ARHGAP42: variants seen among roughly 807,000 people sequenced by gnomAD.
The protein encoded by ARHGAP42 is rho GTPase-activating protein 42.
In ARHGAP42, 63 loss-of-function variants were observed where a neutral mutation model predicts 125.0. That is an observed-to-expected ratio of 0.50 (90% CI 0.41 to 0.62). The LOEUF (loss-of-function observed/expected upper bound fraction) is 0.62, where lower values mean the gene tolerates loss of function less well. ARHGAP42 is among the 20% of genes least tolerant of loss of function. The pLI is 0.00. For synonymous variants in ARHGAP42, 339 were observed against 351.0 expected, an observed-to-expected ratio of 0.97 and a Z score of 0.38; for missense variants, 766 against 1,024.2, an observed-to-expected ratio of 0.75 and a Z score of 3.44.
At chr11:100,738,866 G>T (rs1233895450) in intron 1 of ARHGAP42, among the ~76,000 whole-genome samples, 2 of 152,160 alleles carry the variant, frequency 1.3e-5, no homozygotes, top group African/African-American at 4.8e-5. Flanking sequence ...TCCTTGCCAA[G>T]GTCAATGCTC....
chr11:100,768,025 T>C (rs1419264998), intron 1 of ARHGAP42, among the ~76,000 whole-genome samples: 3 of 152,160 alleles, frequency 2.0e-5, no homozygotes, highest in Non-Finnish European at 4.4e-5. Context: ...CAATCTTGAG[T>C]GCCCACGTTG....
At chr11:100,920,730 A>G (rs1591295953) in intron 5 of ARHGAP42, among the ~76,000 whole-genome samples, 1 of 152,198 alleles carries the variant, frequency 6.6e-6, no homozygotes, top group Admixed American at 6.5e-5. Context: ...TACTTTGTCA[A>G]TAGAACCTTA....
chr11:100,811,691 G>C (rs1010348518), intron 3 of ARHGAP42, among the ~76,000 whole-genome samples: 44 of 151,804 alleles, frequency 2.9e-4, no homozygotes, highest in Non-Finnish European at 2.4e-4. Context: ...ATAGAGATGG[G>C]GTTTCATCAT....
At chr11:100,789,478 C>G (rs1863514709) in intron 2 of ARHGAP42, among the ~76,000 whole-genome samples, 1 of 152,206 alleles carries the variant, frequency 6.6e-6, no homozygotes, top group Non-Finnish European at 1.5e-5. Flanking sequence ...TACTCTCTCT[C>G]TGGGCATGAG....
chr11:100,815,570 G>T (rs1591204746), intron 3 of ARHGAP42, among the ~76,000 whole-genome samples: 1 of 152,170 alleles, frequency 6.6e-6, no homozygotes, highest in African/African-American at 2.4e-5. Context: ...GATGTGCAAA[G>T]AATTTTGAGT....
At chr11:100,793,657 ATTTG>A (rs899519706) in intron 2 of ARHGAP42, among the ~76,000 whole-genome samples, 1 of 144,556 alleles carries the variant, frequency 6.9e-6, no homozygotes, top group Non-Finnish European at 1.5e-5. Flanking sequence ...AGTTCTTTTG[ATTTG>A]TTTTTCTCAC....
chr11:100,912,770 A>G (rs886372014), intron 4 of ARHGAP42, among the ~76,000 whole-genome samples: 4 of 152,254 alleles, frequency 2.6e-5, no homozygotes, highest in Middle Eastern at 3.4e-3. Flanking sequence ...GTTGTTCCCC[A>G]AAACTCCAAC....
intron 3 of ARHGAP42, among the ~76,000 whole-genome samples, chr11:100,857,397 A>G (rs1205043170): frequency 6.6e-6 from 1 of 152,126 alleles, no homozygotes; most frequent in Non-Finnish European, 1.5e-5. Context: ...TAACAGTGAG[A>G]GAAGGGGTAG....
chr11:100,763,477 C>G (rs1862757407), intron 1 of ARHGAP42, among the ~76,000 whole-genome samples: 1 of 152,018 alleles, frequency 6.6e-6, no homozygotes, highest in African/African-American at 2.4e-5. Context: ...GCATACATTT[C>G]CTTTGTCTTT....
intron 1 of ARHGAP42, among the ~76,000 whole-genome samples, chr11:100,743,274 C>T (rs1393292830): frequency 1.3e-5 from 2 of 152,134 alleles, no homozygotes; most frequent in Non-Finnish European, 2.9e-5. Context: ...ATGACAAATT[C>T]TCCCCACATT....
chr11:100,749,957 C>T (rs1217405431), intron 1 of ARHGAP42, among the ~76,000 whole-genome samples: 1 of 152,172 alleles, frequency 6.6e-6, no homozygotes, highest in Admixed American at 6.5e-5. Flanking sequence ...TGGCCAGTTT[C>T]TTTCCGCGTT....
At chr11:100,825,391 G>A (rs1864490806) in intron 3 of ARHGAP42, among the ~76,000 whole-genome samples, 1 of 152,158 alleles carries the variant, frequency 6.6e-6, no homozygotes, top group Admixed American at 6.5e-5. Flanking sequence ...TGAAAATGCT[G>A]CATTTAGTTT....
rs192791027 is a variant in ARHGAP42, at chr11:100,774,821, A to G, written c.250+4383A>G. 3.9e-5 allele frequency among the ~76,000 whole-genome samples: 6 copies of G among 152,316 alleles called. No homozygotes were observed. The East Asian group carries it at 1.2e-3, about 29-fold the overall frequency. On this transcript the variant is annotated intron_variant, in intron 2 of 23. Coordinates refer to ENST00000298815, the MANE Select transcript of ARHGAP42 (RefSeq NM_152432.4). ...ATGTCTGGCCTGTACATCTGTCCCA[A>G]CGCTTCACTGGTTCCCTCTGCCTCC...
chr11:100,830,019 T>C, intron 3 of ARHGAP42, among the ~76,000 whole-genome samples: 1 of 152,234 alleles, frequency 6.6e-6, no homozygotes, highest in Admixed American at 6.5e-5. Context: ...ATATGTGTTC[T>C]GTAGGACAGT....
intron 12 of ARHGAP42, among the ~76,000 whole-genome samples, chr11:100,955,628 C>T (rs1857783021): frequency 1.3e-5 from 2 of 152,062 alleles, no homozygotes; most frequent in Admixed American, 6.6e-5. Flanking sequence ...AATCAGCAAT[C>T]GTTATTTCTC....
Position 100,991,487 on chromosome 11 carries a change from C to T in ARHGAP42, c.*2686C>T, listed in dbSNP as rs1297905943. On this transcript the variant is annotated 3_prime_UTR_variant, in exon 24 of 24. Coordinates refer to ENST00000298815, the MANE Select transcript of ARHGAP42 (RefSeq NM_152432.4). ...ACCTCTGCACCCTAATAACTGCTTACGGTATAATCAGTATGATGATGAGAT... is the reference window on the plus strand; with the variant it reads ...ACCTCTGCACCCTAATAACTGCTTATGGTATAATCAGTATGATGATGAGAT... 4 of 152,088 alleles carry T rather than the reference C, an allele frequency of 2.6e-5. No individual in the cohort carries two copies. Among genetic ancestry groups the T allele is most frequent in the South Asian group, 4.1e-4 (2 of 4,822 alleles). 9.4% of individuals were successfully genotyped at this position (152,088 alleles called of 1,614,324 possible).
At chr11:100,896,266 A>C (rs1565264047) in intron 4 of ARHGAP42, among the ~76,000 whole-genome samples, 1 of 152,142 alleles carries the variant, frequency 6.6e-6, no homozygotes, top group Non-Finnish European at 1.5e-5. Context: ...GGTTGGTTCC[A>C]AGTCTTTTCT....
At chr11:100,744,115 C>T (rs1312733801) in intron 1 of ARHGAP42, among the ~76,000 whole-genome samples, 6 of 152,138 alleles carry the variant, frequency 3.9e-5, no homozygotes, top group East Asian at 1.9e-4. Flanking sequence ...GGACTACAGG[C>T]GCCTGCCTCC....
At chr11:100,842,282 G>C (rs1864961873) in intron 3 of ARHGAP42, among the ~76,000 whole-genome samples, 1 of 152,140 alleles carries the variant, frequency 6.6e-6, no homozygotes, top group South Asian at 2.1e-4. Context: ...TTATTACCAT[G>C]TTATCTAGAT....
Sources: allele counts gnomAD v4.1 joint callset (sites outside exome capture counted in the v4.1 genomes callset), GRCh38; gene constraint gnomAD v4.1.1; transcripts MANE v1.5; gene names NCBI Gene and HGNC (gene_info 2026-07-23, HGNC 2026-07-21).